Variants in CTNNA2 observed in about 807,000 individuals in gnomAD.
CTNNA2 encodes the protein catenin alpha 2.
Under a neutral mutation model 101.0 loss-of-function variants are expected in CTNNA2, and 42 were observed. That is an observed-to-expected ratio of 0.42 (90% CI 0.32 to 0.54). The LOEUF (loss-of-function observed/expected upper bound fraction) is 0.54, where lower values mean the gene tolerates loss of function less well. Ranked by LOEUF, CTNNA2 falls within the 20% of genes least tolerant of loss-of-function variation. The pLI, the probability that CTNNA2 is intolerant of heterozygous loss-of-function variation, is 0.14. For synonymous variants in CTNNA2, 450 were observed against 456.4 expected (o/e 0.99, Z 0.18); for missense variants, 871 against 1,223.1 (o/e 0.71, Z 4.29).
intron 7 of CTNNA2, among the ~76,000 whole-genome samples, chr2:80,058,699 A>G (rs940417432): frequency 4.6e-5 from 7 of 152,102 alleles, no homozygotes; most frequent in Admixed American, 3.3e-4. Context: ...ACCTTAGACT[A>G]TTACAGCTGG....
intron 2 of CTNNA2, among the ~76,000 whole-genome samples, chr2:79,741,852 T>A (rs1671307961): frequency 6.6e-6 from 1 of 152,216 alleles, no homozygotes; most frequent in Admixed American, 6.5e-5. Context: ...TCTAATTTAA[T>A]AGTTTGTCCT....
At chr2:79,376,449 T>G (rs1558652344) in intron 4 of CTNNA2, among the ~76,000 whole-genome samples, 2 of 64,770 alleles carry the variant, frequency 3.1e-5, no homozygotes, top group African/African-American at 9.6e-5. Flanking sequence ...CCTTGTTGGT[T>G]GGTTTTGTTT....
intron 7 of CTNNA2, among the ~76,000 whole-genome samples, chr2:79,978,932 G>A (rs769876569): frequency 3.9e-5 from 6 of 152,150 alleles, no homozygotes; most frequent in Non-Finnish European, 5.9e-5. Context: ...AGAAAACTGA[G>A]TCTCAAAGAG....
intron 7 of CTNNA2, among the ~76,000 whole-genome samples, chr2:80,251,186 C>T (rs983954764): frequency 6.6e-6 from 1 of 152,140 alleles, no homozygotes; most frequent in Admixed American, 6.6e-5. Context: ...CTTATTAGAA[C>T]CCACATCTTG....
intron 7 of CTNNA2, among the ~76,000 whole-genome samples, chr2:80,218,037 A>G (rs1708369875): frequency 6.6e-6 from 1 of 152,262 alleles, no homozygotes; most frequent in African/African-American, 2.4e-5. Flanking sequence ...GTGTTTCTAA[A>G]TATGAATATT....
intron 4 of CTNNA2, among the ~76,000 whole-genome samples, chr2:79,412,220 T>A (rs62159392): frequency 0.057 from 8,701 of 152,146 alleles, 261 homozygotes; most frequent in Non-Finnish European, 0.065. Context: ...ATGCACCCAA[T>A]ACAGGAGCAC....
chr2:80,188,282 G>C (rs1461770875), intron 7 of CTNNA2, among the ~76,000 whole-genome samples: 1 of 152,164 alleles, frequency 6.6e-6, no homozygotes, highest in Non-Finnish European at 1.5e-5. Context: ...CCTTGCAAGG[G>C]AGAAAAGTTA....
In CTNNA2 at chr2:79,273,067, C is replaced by CT. The variant is rs927114449; in HGVS notation, c.-405-39633dup. On this transcript the variant is annotated intron_variant, in intron 2 of 21. Transcript: ENST00000466387. Reference sequence around the variant, plus strand: ...GTGTTCCTCTACTAAATTTGCTTGTCTTTTTTTTTATGGTTTCATGTTGGC... The same window carrying CT: ...GTGTTCCTCTACTAAATTTGCTTGTCTTTTTTTTTTATGGTTTCATGTTGGC... Among the ~76,000 whole-genome samples, 9 of 151,172 alleles carry CT rather than the reference C, an allele frequency of 6.0e-5. No homozygotes were observed. In the East Asian group the frequency reaches 9.8e-4, roughly 16 times the overall value.
chr2:80,148,818 T>C (rs1300767354), intron 7 of CTNNA2, among the ~76,000 whole-genome samples: 1 of 152,128 alleles, frequency 6.6e-6, no homozygotes, highest in Admixed American at 6.6e-5. Flanking sequence ...AAGAGAAGGT[T>C]GAACCACTGG....
At chr2:80,573,351 G>A (rs1463921126) in intron 12 of CTNNA2, 1 of 152,128 alleles carries the variant, frequency 6.6e-6, no homozygotes, top group Non-Finnish European at 1.5e-5. Flanking sequence ...TGAAAATAAC[G>A]AAGTGTCAGC....
chr2:80,271,588 A>AT (rs537167466), intron 7 of CTNNA2, among the ~76,000 whole-genome samples: 12 of 152,034 alleles, frequency 7.9e-5, no homozygotes, highest in East Asian at 7.8e-4. Context: ...CGCCAGGCTA[A>AT]TTTTTTTATA....
intron 7 of CTNNA2, among the ~76,000 whole-genome samples, chr2:80,377,360 C>T (rs1177283804): frequency 6.6e-6 from 1 of 152,186 alleles, no homozygotes; most frequent in Non-Finnish European, 1.5e-5. Flanking sequence ...TATTGGATAC[C>T]ATTTTCATGC....
At chr2:80,622,811 G>A (rs1671268557) in intron 18 of CTNNA2, among the ~76,000 whole-genome samples, 1 of 151,632 alleles carries the variant, frequency 6.6e-6, no homozygotes, top group Non-Finnish European at 1.5e-5. Context: ...TCCACGATTA[G>A]AACTGCTTTG....
chr2:80,459,730 A>G (rs1314042551), intron 9 of CTNNA2, among the ~76,000 whole-genome samples: 1 of 152,138 alleles, frequency 6.6e-6, no homozygotes, highest in Non-Finnish European at 1.5e-5. Context: ...ACTTCTGACA[A>G]TCATCTCCTT....
intron 3 of CTNNA2, among the ~76,000 whole-genome samples, chr2:79,790,664 T>C (rs1675201853): frequency 6.6e-6 from 1 of 152,178 alleles, no homozygotes; most frequent in Non-Finnish European, 1.5e-5. Context: ...ACCAGGTAAA[T>C]TGTAAGTAGA....
At chr2:79,911,275 G>C (rs1298866811) in intron 7 of CTNNA2, among the ~76,000 whole-genome samples, 1 of 152,192 alleles carries the variant, frequency 6.6e-6, no homozygotes, top group Non-Finnish European at 1.5e-5. Context: ...ATAGCAAAGG[G>C]CTAATTACAT....
chr2:79,860,527 A>G (rs1393429572), intron 4 of CTNNA2, among the ~76,000 whole-genome samples: 1 of 126,066 alleles, frequency 7.9e-6, no homozygotes, highest in Non-Finnish European at 1.6e-5. Flanking sequence ...TCTCTTCTCC[A>G]CACAGCCGAG....
chr2:79,918,145 C>A (rs547894673), intron 7 of CTNNA2, among the ~76,000 whole-genome samples: 1 of 152,262 alleles, frequency 6.6e-6, no homozygotes, highest in African/African-American at 2.4e-5. Context: ...CCACTCACTG[C>A]CCTCTAACCC....
At chr2:80,150,715 C>T (rs1031621617) in intron 7 of CTNNA2, among the ~76,000 whole-genome samples, 2 of 152,114 alleles carry the variant, frequency 1.3e-5, no homozygotes, top group Admixed American at 1.3e-4. Context: ...GCACTATTCC[C>T]TGTAATTGCC....
Sources: allele counts gnomAD v4.1 joint callset (sites outside exome capture counted in the v4.1 genomes callset), GRCh38; gene constraint gnomAD v4.1.1; transcripts MANE v1.5; gene names NCBI Gene and HGNC (gene_info 2026-07-23, HGNC 2026-07-21).